VPS35L: variants seen among roughly 807,000 people sequenced by gnomAD.
The protein encoded by VPS35L is VPS35 endosomal protein-sorting factor-like.
A neutral mutation model predicts 133.0 loss-of-function variants in VPS35L; 83 were observed. The observed-to-expected ratio is 0.62, with a 90% CI of 0.52 to 0.75. VPS35L has a LOEUF of 0.75. Among genes scored for constraint, VPS35L ranks in the 30% least tolerant of loss-of-function variants. The probability of loss-of-function intolerance (pLI) is 0.00; values close to 1 mark genes in which losing one functional copy is unlikely to be tolerated. For synonymous variants in VPS35L, 423 were observed against 449.9 expected, an observed-to-expected ratio of 0.94 and a Z score of 0.76; for missense variants, 1,083 against 1,206.8, an observed-to-expected ratio of 0.90 and a Z score of 1.52.
chr16:19,602,307 C>T (rs1972409178), intron 9 of VPS35L, among the ~76,000 whole-genome samples: 1 of 152,048 alleles, frequency 6.6e-6, no homozygotes, highest in Non-Finnish European at 1.5e-5. Flanking sequence ...GCCTTTATTC[C>T]TCTTTTTAAC....
intron 4 of VPS35L, among the ~76,000 whole-genome samples, chr16:19,574,514 C>G (rs368927503): frequency 6.6e-6 from 1 of 152,100 alleles, no homozygotes; most frequent in East Asian, 1.9e-4. Context: ...TTGGCCTCAA[C>G]GCCTCTTCTC....
In VPS35L at chr16:19,555,758, G is replaced by A. The variant is rs1179235876; in HGVS notation, c.17+12G>A. On this transcript the variant is annotated intron_variant, in intron 1 of 30. Coordinates refer to ENST00000417362, the MANE Select transcript of VPS35L (RefSeq NM_020314.7). ...GCCGTCTTTCCTTGGTAAGGAAGCA[G>A]CGGCGGGTGGGCTTTGGAGAGGGGC... 2 of 1,570,466 alleles carry A rather than the reference G, an allele frequency of 1.3e-6. No individual in the cohort carries two copies. The highest frequency in any genetic ancestry group is 2.4e-5 in the South Asian group (2 of 83,196).
rs1972055158 is a variant in VPS35L, at chr16:19,591,877, A to G, written c.724+3A>G. ...CACCGACATACTTGATACATTTGGT[A>G]AGTACCTGTCATATGCATCTTAGAT... On this transcript the variant is annotated splice_donor_region_variant and intron_variant, in intron 8 of 30. Transcript: ENST00000417362. 2 of 1,590,700 alleles carry G rather than the reference A, an allele frequency of 1.3e-6. No homozygotes were observed. Among genetic ancestry groups the G allele is most frequent in the Non-Finnish European group, 1.7e-6 (2 of 1,158,872 alleles).
At chr16:19,599,603 C>T (rs1972320018) in intron 8 of VPS35L, among the ~76,000 whole-genome samples, 1 of 151,546 alleles carries the variant, frequency 6.6e-6, no homozygotes, top group African/African-American at 2.4e-5. Context: ...GCGGCACAAT[C>T]ATAGCTTCTA....
chr16:19,637,458 A>G (rs1012371158), intron 19 of VPS35L, 136 bp from the exon 20 acceptor site: 1 of 576,216 alleles, frequency 1.7e-6, no homozygotes, highest in African/African-American at 1.9e-5. Flanking sequence ...ACCTTATTGT[A>G]GTAATAATTG....
chr16:19,627,765 T>G lies in VPS35L; in HGVS notation c.1343T>G (p.Ile448Ser). ...EFIATRSMDF[I>S]GMIKECDESG... Reference sequence around the variant, plus strand: ...ATCGCCACAAGGTCTATGGATTTCATTGGCATGATTAAAGAGTGTGATGAA... The same window carrying G: ...ATCGCCACAAGGTCTATGGATTTCAGTGGCATGATTAAAGAGTGTGATGAA... Residue 448 changes from isoleucine to serine, a missense_variant, in exon 16 of 31, where the codon ATT (isoleucine) becomes AGT (serine). Ile to Ser is a moderately radical substitution (Grantham distance 142). Transcript: ENST00000417362. 1 of 1,614,062 alleles carries G rather than the reference T, an allele frequency of 6.2e-7. No homozygotes were observed. Among genetic ancestry groups the G allele is most frequent in the African/African-American group, 1.3e-5 (1 of 75,070 alleles).
Position 19,695,006 on chromosome 16 carries a change from A to AC in VPS35L, c.2646+3535_2646+3536insC, listed in dbSNP as rs1975853463. 5.7e-5 allele frequency among the ~76,000 whole-genome samples: 8 copies of AC among 139,210 alleles called. No individual in the cohort carries two copies. The South Asian group carries it at 2.0e-3, about 34-fold the overall frequency. 91.3% of individuals were successfully genotyped at this position (139,210 alleles called of 152,430 possible). Reference sequence around the variant, plus strand: ...GGGTGACAGAACGAGACTCTGTTTCAGAAAAAAAAAAAAAAAAGACAGAGC... The same window carrying AC: ...GGGTGACAGAACGAGACTCTGTTTCACGAAAAAAAAAAAAAAAAGACAGAGC... On this transcript the variant is annotated intron_variant, in intron 29 of 30. Transcript: ENST00000417362.
At chr16:19,558,474 C>G (rs1238576034) in intron 1 of VPS35L, among the ~76,000 whole-genome samples, 1 of 152,210 alleles carries the variant, frequency 6.6e-6, no homozygotes, top group Non-Finnish European at 1.5e-5. Flanking sequence ...CCCCAAATCC[C>G]ACTGCCTTGT....
At chr16:19,578,216 C>G in intron 5 of VPS35L, 1 of 446,932 alleles carries the variant, frequency 2.2e-6, no homozygotes, top group Non-Finnish European at 4.4e-6. Flanking sequence ...CTCTTAAAAC[C>G]TAAAACATTT....
At chr16:19,626,654 C>G (rs1014274046) in intron 15 of VPS35L, among the ~76,000 whole-genome samples, 1 of 151,988 alleles carries the variant, frequency 6.6e-6, no homozygotes, top group African/African-American at 2.4e-5. Flanking sequence ...CGCAGCTACT[C>G]AGGAGACTGG....
intron 7 of VPS35L, among the ~76,000 whole-genome samples, chr16:19,583,676 C>T (rs1413915657): frequency 6.6e-6 from 1 of 150,738 alleles, no homozygotes. Context: ...GAGCCGAGAT[C>T]GCACTACACC....
At chr16:19,697,363 G>A (rs946928818) in intron 29 of VPS35L, among the ~76,000 whole-genome samples, 36 of 152,092 alleles carry the variant, frequency 2.4e-4, no homozygotes, top group African/African-American at 8.7e-4. Flanking sequence ...TTTAAGACAG[G>A]GTCTTGCTCT....
intron 28 of VPS35L, among the ~76,000 whole-genome samples, chr16:19,684,213 C>T (rs1394252650): frequency 2.0e-5 from 3 of 152,188 alleles, no homozygotes; most frequent in African/African-American, 7.2e-5. Context: ...GTGTCCTGGA[C>T]TTACCACAGG....
chr16:19,675,756 G>GC (rs1480762658), intron 27 of VPS35L, among the ~76,000 whole-genome samples: 2 of 151,476 alleles, frequency 1.3e-5, no homozygotes, highest in African/African-American at 4.9e-5. Flanking sequence ...CACCATGTTG[G>GC]CCAGGCTGGT....
chr16:19,594,600 C>T (rs745573242), intron 8 of VPS35L, among the ~76,000 whole-genome samples: 15 of 124,768 alleles, frequency 1.2e-4, no homozygotes, highest in Non-Finnish European at 2.2e-4. Flanking sequence ...GCTGAGATCG[C>T]GCTGCTGCAC....
chr16:19,590,889 T>C (rs998730966), intron 7 of VPS35L, among the ~76,000 whole-genome samples: 8 of 152,042 alleles, frequency 5.3e-5, no homozygotes, highest in Admixed American at 2.0e-4. Context: ...CAGGAGTTCA[T>C]TGCTGCAGTA....
intron 12 of VPS35L, among the ~76,000 whole-genome samples, chr16:19,612,801 A>G (rs1394671919): frequency 1.3e-5 from 2 of 152,194 alleles, no homozygotes; most frequent in African/African-American, 4.8e-5. Context: ...AGGGTACACG[A>G]TCATGTTTGT....
intron 14 of VPS35L, among the ~76,000 whole-genome samples, chr16:19,622,343 A>C (rs559856177): frequency 6.6e-5 from 10 of 151,746 alleles, no homozygotes; most frequent in Admixed American, 3.3e-4. Flanking sequence ...GGGTCTCATC[A>C]TCTTGGCCAG....
At chr16:19,564,530 C>T (rs1971125575) in intron 1 of VPS35L, among the ~76,000 whole-genome samples, 1 of 152,138 alleles carries the variant, frequency 6.6e-6, no homozygotes. Flanking sequence ...TCCCAAGTAG[C>T]TGGGATTACA....
Sources: gnomAD v4.1 joint callset for allele counts (sites outside exome capture counted in the v4.1 genomes callset) on GRCh38, gnomAD v4.1.1 for gene constraint, MANE v1.5 for transcripts, NCBI Gene and HGNC (gene_info 2026-07-23, HGNC 2026-07-21) for gene names.